Variants in PRRC1 observed in about 807,000 individuals in gnomAD.
PRRC1 encodes protein PRRC1.
PRRC1 carries 39 observed loss-of-function variants against 40.7 expected under a neutral mutation model. That is an observed-to-expected ratio of 0.96 (90% CI 0.74 to 1.25). PRRC1 has a LOEUF of 1.25. Ranked by LOEUF, PRRC1 falls within the 50% of genes most tolerant of loss-of-function variation. PRRC1 has a pLI of 0.00. For missense variants in PRRC1, 573 were observed against 548.3 expected, an observed-to-expected ratio of 1.05 and a Z score of -0.45; for synonymous variants, 175 against 193.3, an observed-to-expected ratio of 0.91 and a Z score of 0.79.
At chr5:127,518,875 A>C (rs924321689) in intron 1 of PRRC1, among the ~76,000 whole-genome samples, 5 of 152,168 alleles carry the variant, frequency 3.3e-5, no homozygotes, top group African/African-American at 1.2e-4. Context: ...TTTCGTGACA[A>C]GACTTGAGCC....
Position 127,553,756 on chromosome 5 carries a change from G to T in PRRC1, c.*1840G>T, listed in dbSNP as rs763467604. On this transcript the variant is annotated 3_prime_UTR_variant, in exon 9 of 9. Transcript: ENST00000296666. ...CACAAATGTCTTTTTGATGTTTTGA[G>T]AATTGTTCTCATAGAATCACAAATA... 1.3e-5 allele frequency: 20 copies of T among 1,527,394 alleles called. No individual in the cohort carries two copies. The highest frequency in any genetic ancestry group is 8.5e-5 in the South Asian group (7 of 82,180). 94.6% of individuals were successfully genotyped at this position (1,527,394 alleles called of 1,614,324 possible).
chr5:127,546,921 A>G (rs1209279987), intron 7 of PRRC1, among the ~76,000 whole-genome samples: 1 of 152,176 alleles, frequency 6.6e-6, no homozygotes, highest in African/African-American at 2.4e-5. Flanking sequence ...GTTTTAGGAT[A>G]TGAACACTAT....
intron 5 of PRRC1, among the ~76,000 whole-genome samples, chr5:127,532,961 A>C (rs233038): frequency 2.0e-5 from 3 of 151,972 alleles, no homozygotes; most frequent in African/African-American, 7.3e-5. Flanking sequence ...GGTCAAATTG[A>C]TCTGTCTAGA....
At chr5:127,532,071 T>A in intron 5 of PRRC1, among the ~76,000 whole-genome samples, 1 of 151,928 alleles carries the variant, frequency 6.6e-6, no homozygotes, top group Non-Finnish European at 1.5e-5. Context: ...ACCATTCTGA[T>A]CTAACAAAAC....
At position 127,552,027 on chromosome 5, in the gene PRRC1, C is replaced by T; in HGVS notation, c.*111C>T. ...TCTAAATGAATCCAGTAGTTTTTAT[C>T]ATTTTCCTGTAGCCTGCAATTTTTC... On this transcript the variant is annotated 3_prime_UTR_variant, in exon 9 of 9. Coordinates refer to ENST00000296666, the MANE Select transcript of PRRC1 (RefSeq NM_130809.5). 1 of 1,486,850 alleles carries T rather than the reference C, an allele frequency of 6.7e-7. No homozygotes were observed. The highest frequency in any genetic ancestry group is 1.4e-5 in the South Asian group (1 of 72,222). The allele number at this position is 1,486,850 out of a possible 1,614,324, so 92.1% of individuals were successfully genotyped here. A position where few individuals can be genotyped will look rare whatever the true frequency, so the allele number is the denominator to read the frequency against.
chr5:127,553,974 T>C lies in PRRC1; in HGVS notation c.*2058T>C. ...AATACATGAACTGCTCTGGCCTCTC[T>C]GGTTCTGTTCTTGGCCCAGAGTTTT... On this transcript the variant is annotated 3_prime_UTR_variant, in exon 9 of 9. Coordinates refer to ENST00000296666, the MANE Select transcript of PRRC1 (RefSeq NM_130809.5). The C allele has an allele frequency of 6.8e-7, 1 of 1,464,386 alleles. No individual in the cohort carries two copies. The highest frequency in any genetic ancestry group is 9.1e-7 in the Non-Finnish European group (1 of 1,096,910). 90.7% of individuals were successfully genotyped at this position (1,464,386 alleles called of 1,614,324 possible).
At chr5:127,538,753 C>T (rs2127105957) in intron 6 of PRRC1, among the ~76,000 whole-genome samples, 1 of 152,118 alleles carries the variant, frequency 6.6e-6, no homozygotes, top group African/African-American at 2.4e-5. Flanking sequence ...AATTATTTAA[C>T]AGTAACAATC....
chr5:127,553,071 T>A lies in PRRC1; in HGVS notation c.*1155T>A. ...TCTTAATACTGTTGGACTTTGTATATACAAGTTCAAATAACTTTTTCGAAG... is the reference window on the plus strand; with the variant it reads ...TCTTAATACTGTTGGACTTTGTATAAACAAGTTCAAATAACTTTTTCGAAG... On this transcript the variant is annotated 3_prime_UTR_variant, in exon 9 of 9. Transcript: ENST00000296666. 1 of 777,898 alleles carries A rather than the reference T, an allele frequency of 1.3e-6. No individual in the cohort carries two copies. The highest frequency in any genetic ancestry group is 1.6e-6 in the Non-Finnish European group (1 of 641,798). 48.2% of individuals were successfully genotyped at this position (777,898 alleles called of 1,614,324 possible).
Position 127,533,668 on chromosome 5 carries a change from T to G in PRRC1, c.803T>G (p.Val268Gly). The G allele has an allele frequency of 1.2e-6, 2 of 1,614,100 alleles. No individual in the cohort carries two copies. Among genetic ancestry groups the G allele is most frequent in the Non-Finnish European group, 8.5e-7 (1 of 1,179,990 alleles). ...ATTGTAGTGACCTCAAATAAAGAAG[T>G]AAAAGTTGCTGCTGTCCGAGATGCC... ...LDIVVTSNKEVKVAAVRDAFQ... is the reference protein window; with the variant it reads ...LDIVVTSNKEGKVAAVRDAFQ... Residue 268 changes from valine to glycine, a missense_variant, in exon 6 of 9, where the codon GTA (valine) becomes GGA (glycine). Physicochemically the swap from Val to Gly is moderately radical, Grantham distance 109 (BLOSUM62 -3). Coordinates refer to ENST00000296666, the MANE Select transcript of PRRC1 (RefSeq NM_130809.5).
At chr5:127,532,353 C>G (rs570350644) in intron 5 of PRRC1, among the ~76,000 whole-genome samples, 1 of 152,130 alleles carries the variant, frequency 6.6e-6, no homozygotes, top group African/African-American at 2.4e-5. Flanking sequence ...TTGATCCTCC[C>G]GCCTAGGCCT....
intron 1 of PRRC1, among the ~76,000 whole-genome samples, chr5:127,522,716 T>A (rs31189): frequency 0.44 from 66,772 of 151,496 alleles, 15,964 homozygotes; most frequent in East Asian, 0.62. Flanking sequence ...GTTAATGGGG[T>A]TATCTTATAC....
chr5:127,534,964 TCTAATC>T (rs1377689644), intron 6 of PRRC1, among the ~76,000 whole-genome samples: 2 of 152,176 alleles, frequency 1.3e-5, no homozygotes, highest in African/African-American at 4.8e-5. Context: ...ATTACCCACT[TCTAATC>T]CATCAAGAAA....
Position 127,552,094 on chromosome 5 carries a change from A to C in PRRC1, c.*178A>C. 5 of 1,420,028 alleles carry C rather than the reference A, an allele frequency of 3.5e-6. No homozygotes were observed. The highest frequency in any genetic ancestry group is 4.6e-6 in the Non-Finnish European group (5 of 1,090,208). 88.0% of individuals were successfully genotyped at this position (1,420,028 alleles called of 1,614,324 possible). ...TCATGTCATTCCAGGAGACAAAAAG[A>C]AACAAATCCTTTTTATAGTCATACC... On this transcript the variant is annotated 3_prime_UTR_variant, in exon 9 of 9. Coordinates refer to ENST00000296666, the MANE Select transcript of PRRC1 (RefSeq NM_130809.5).
chr5:127,540,079 G>T (rs1768000794), intron 7 of PRRC1, among the ~76,000 whole-genome samples: 1 of 152,168 alleles, frequency 6.6e-6, no homozygotes, highest in South Asian at 2.1e-4. Flanking sequence ...ATGTATTCTT[G>T]GGTCAGTGAT....
In PRRC1 at chr5:127,530,349, T is replaced by C. The variant is rs749131929; in HGVS notation, c.710T>C (p.Val237Ala). ...KSVLDKTKHS[V>A]ESMITTLDPG... ...GTGCTTGATAAGACAAAACATTCAG[T>C]AGAAAGCATGATTACAACGCTGGAC... is the stretch of plus-strand genomic sequence containing the variant. Residue 237 changes from valine to alanine, a missense_variant, in exon 5 of 9, where the codon GTA (valine) becomes GCA (alanine). Coordinates refer to ENST00000296666, the MANE Select transcript of PRRC1 (RefSeq NM_130809.5). The C allele has an allele frequency of 4.0e-5, 64 of 1,613,816 alleles. No homozygotes were observed. In the Middle Eastern group the frequency reaches 6.6e-4, roughly 17 times the overall value.
chr5:127,519,184 T>TA (rs1157811190), intron 1 of PRRC1, among the ~76,000 whole-genome samples: 1 of 152,078 alleles, frequency 6.6e-6, no homozygotes, highest in Admixed American at 6.6e-5. Context: ...GAATGACCAA[T>TA]AAAAAATTAA....
intron 6 of PRRC1, among the ~76,000 whole-genome samples, chr5:127,535,965 T>C (rs1177386717): frequency 2.6e-5 from 4 of 152,192 alleles, no homozygotes; most frequent in African/African-American, 4.8e-5. Context: ...TTTACACATA[T>C]GCATACTCAC....
chr5:127,524,572 G>T lies in PRRC1; in HGVS notation c.145G>T (p.Glu49Ter). The stretch of plus-strand genomic sequence containing the variant: ...TTCTTCTCCAAATGTATCCTCCATG[G>T]AGTCCTTCCCACCACTCGCATACTC... ...SFSSPNVSSM[E>*]SFPPLAYSTP... Residue 49 changes from glutamate (E) to a stop codon, truncating the protein, a stop_gained, in exon 3 of 9, where the codon GAG becomes TAG. Transcript: ENST00000296666. LOFTEE classifies it high-confidence loss of function. The T allele has an allele frequency of 6.2e-7, 1 of 1,613,704 alleles. No individual in the cohort carries two copies. The highest frequency in any genetic ancestry group is 8.5e-7 in the Non-Finnish European group (1 of 1,179,802).
intron 7 of PRRC1, among the ~76,000 whole-genome samples, chr5:127,541,815 C>CA (rs994321710): frequency 2.1e-5 from 3 of 144,420 alleles, no homozygotes; most frequent in African/African-American, 7.7e-5. Flanking sequence ...TTGATCCTTT[C>CA]AAAAAAACCA....
Sources: allele counts gnomAD v4.1 joint callset (sites outside exome capture counted in the v4.1 genomes callset), GRCh38; gene constraint gnomAD v4.1.1; transcripts MANE v1.5; gene names NCBI Gene and HGNC (gene_info 2026-07-23, HGNC 2026-07-21).